PTPRG: variants seen among roughly 807,000 people sequenced by gnomAD.
PTPRG encodes the protein receptor-type tyrosine-protein phosphatase gamma.
A neutral mutation model predicts 165.3 loss-of-function variants in PTPRG; 102 were observed. The ratio of observed to expected loss-of-function variants is 0.62; its 90% CI spans 0.53 to 0.73. The LOEUF is 0.73. Ranked by LOEUF, PTPRG falls within the 30% of genes least tolerant of loss-of-function variation. The probability of loss-of-function intolerance (pLI) is 0.00; values close to 1 mark genes in which losing one functional copy is unlikely to be tolerated. For missense variants in PTPRG, 1,866 were observed against 1,861.4 expected (o/e 1.00, Z -0.05); for synonymous variants, 675 against 669.5 (o/e 1.01, Z -0.13).
intron 2 of PTPRG, among the ~76,000 whole-genome samples, chr3:61,978,519 T>C (rs111923856): frequency 0.022 from 3,374 of 151,220 alleles, 103 homozygotes; most frequent in African/African-American, 0.075. Flanking sequence ...ATAAAATAAG[T>C]GGTGGATATT....
chr3:61,895,052 T>A (rs1200494060), intron 2 of PTPRG, among the ~76,000 whole-genome samples: 1 of 152,162 alleles, frequency 6.6e-6, no homozygotes, highest in East Asian at 1.9e-4. Context: ...CAGATGGACG[T>A]CGTTAAACAT....
intron 2 of PTPRG, among the ~76,000 whole-genome samples, chr3:61,819,077 A>C (rs1407962587): frequency 6.6e-6 from 1 of 152,178 alleles, no homozygotes; most frequent in South Asian, 2.1e-4. Context: ...GGAAAGGAAA[A>C]TTGGATTCTT....
At position 62,203,286 on chromosome 3, in the gene PTPRG, C is replaced by T; in HGVS notation, c.1491C>T (p.Gly497=). The T allele has an allele frequency of 3.1e-6, 5 of 1,613,964 alleles. No individual in the cohort carries two copies. The highest frequency in any genetic ancestry group is 3.4e-6 in the Non-Finnish European group (4 of 1,180,000). The change falls in exon 12 of 30, where the codon GGC becomes GGT. Residue 497 remains glycine (G), a synonymous_variant. Transcript: ENST00000474889. This position sits in a 1 kb window ranked among gnomAD's most constrained non-coding sequence, Gnocchi z 6.4. ...FSFVSMATGM[G]PSSSGSQATV... ...TTGTTTCCATGGCAACTGGGATGGG[C>T]CCCTCCTCCAGTGGCAGCCAGGCCA...
chr3:62,018,014 C>G (rs1432743790), intron 4 of PTPRG, among the ~76,000 whole-genome samples: 4 of 152,188 alleles, frequency 2.6e-5, no homozygotes, highest in Admixed American at 1.3e-4. Context: ...TGCCCACACT[C>G]CAAAGGTTAT....
rs1559583438 is a variant in PTPRG, at chr3:61,738,317, T to TACAC, written c.86-10560_86-10559insCACA. On this transcript the variant is annotated intron_variant, in intron 1 of 29. Coordinates refer to ENST00000474889, the MANE Select transcript of PTPRG (RefSeq NM_002841.4). ...ATATATATATATATATATATACATA[T>TACAC]ATATATATATATATATATATGTATA... Among the ~76,000 whole-genome samples the TACAC allele has an allele frequency of 4.8e-5, 5 of 104,874 alleles. No homozygotes were observed. The East Asian group carries it at 9.5e-4, about 20-fold the overall frequency. The allele number at this position is 104,874 out of a possible 152,430, so 68.8% of individuals were successfully genotyped here.
chr3:61,844,466 A>T (rs758378317), intron 2 of PTPRG, among the ~76,000 whole-genome samples: 2 of 152,152 alleles, frequency 1.3e-5, no homozygotes, highest in Non-Finnish European at 2.9e-5. Flanking sequence ...TTTGTCCTGT[A>T]TCAGAAATTC....
intron 9 of PTPRG, 68 bp downstream of exon 9, chr3:62,191,721 A>T (rs770298543): frequency 1.0e-5 from 15 of 1,464,204 alleles, no homozygotes; most frequent in Admixed American, 1.8e-5. Context: ...GCTCTCTGCC[A>T]GGCACTGCAC....
chr3:61,895,552 A>G (rs1051663946), intron 2 of PTPRG, among the ~76,000 whole-genome samples: 8 of 152,198 alleles, frequency 5.3e-5, no homozygotes, highest in African/African-American at 1.4e-4. Flanking sequence ...CTGAGGAGCA[A>G]TTATCCACAT....
intron 14 of PTPRG, among the ~76,000 whole-genome samples, chr3:62,235,306 T>C (rs912639461): frequency 6.6e-6 from 1 of 152,244 alleles, no homozygotes; most frequent in Non-Finnish European, 1.5e-5. Context: ...AATATTCCAG[T>C]CTAGGGTCTG....
chr3:61,732,126 G>A (rs1232845245), intron 1 of PTPRG, among the ~76,000 whole-genome samples: 2 of 152,016 alleles, frequency 1.3e-5, no homozygotes, highest in Non-Finnish European at 2.9e-5. Context: ...TTTAAATTTT[G>A]TAGCAGCTAC....
chr3:61,890,838 G>C (rs1254850339), intron 2 of PTPRG, among the ~76,000 whole-genome samples: 2 of 152,136 alleles, frequency 1.3e-5, no homozygotes, highest in Non-Finnish European at 2.9e-5. Flanking sequence ...GTAAGTGTGA[G>C]AGAATGCGAA....
At chr3:62,189,244 G>A (rs181088746) in intron 8 of PTPRG, among the ~76,000 whole-genome samples, 14 of 152,164 alleles carry the variant, frequency 9.2e-5, no homozygotes, top group South Asian at 8.3e-4. Context: ...CTTACCAACT[G>A]AACTGGGGTT....
intron 2 of PTPRG, among the ~76,000 whole-genome samples, chr3:61,858,726 A>T (rs948901411): frequency 2.6e-5 from 4 of 152,202 alleles, no homozygotes; most frequent in African/African-American, 9.6e-5. Context: ...GGTAGCTGAA[A>T]ATAGGGCAGC....
intron 5 of PTPRG, among the ~76,000 whole-genome samples, chr3:62,103,247 C>G (rs1309530347): frequency 2.6e-5 from 3 of 116,896 alleles, no homozygotes; most frequent in African/African-American, 7.2e-5. Flanking sequence ...GGAAAGGAAG[C>G]CTGTCTTGTG....
At chr3:61,577,381 T>C (rs371168923) in intron 1 of PTPRG, among the ~76,000 whole-genome samples, 26 of 152,308 alleles carry the variant, frequency 1.7e-4, no homozygotes, top group African/African-American at 5.8e-4. Context: ...GAAATGTCTA[T>C]AGAGCTCTCT....
intron 21 of PTPRG, 42 bp from the exon 22 acceptor site, chr3:62,272,904 G>A: frequency 2.0e-6 from 3 of 1,526,268 alleles, no homozygotes; most frequent in Non-Finnish European, 2.6e-6. Context: ...TTAACAGTAT[G>A]ATAAAACAAA....
At chr3:61,792,424 C>G (rs1484268034) in intron 2 of PTPRG, among the ~76,000 whole-genome samples, 1 of 152,088 alleles carries the variant, frequency 6.6e-6, no homozygotes, top group African/African-American at 2.4e-5. Context: ...TAGGGACTCA[C>G]TATGTTGTCC....
At chr3:61,740,675 C>G (rs1294188685) in intron 1 of PTPRG, among the ~76,000 whole-genome samples, 1 of 151,966 alleles carries the variant, frequency 6.6e-6, no homozygotes, top group Non-Finnish European at 1.5e-5. Context: ...GTTTTTCCCT[C>G]TAGGATACGA....
Position 62,190,152 on chromosome 3 carries a change from T to C in PTPRG, c.1034-1317T>C, listed in dbSNP as rs1288388158. Among the ~76,000 whole-genome samples, 1 of 151,998 alleles carries C rather than the reference T, an allele frequency of 6.6e-6. No homozygotes were observed. Among genetic ancestry groups the C allele is most frequent in the African/African-American group, 2.4e-5 (1 of 41,388 alleles). ...TAGAGTGGAGGTTCTCAGCCGAAGG[T>C]GATTGGCCCCTGCAAGCAACCTTTG... On this transcript the variant is annotated intron_variant, in intron 8 of 29. Transcript: ENST00000474889. The surrounding 1 kb of genome is among the most constrained non-coding windows in gnomAD (Gnocchi z 5.2).
Sources: gnomAD v4.1 joint callset for allele counts (sites outside exome capture counted in the v4.1 genomes callset) on GRCh38, gnomAD v4.1.1 for gene constraint, Gnocchi (gnomAD v3.1) non-coding constraint, MANE v1.5 for transcripts, NCBI Gene and HGNC (gene_info 2026-07-23, HGNC 2026-07-21) for gene names.